The following CHRM3 variants were observed in gnomAD, a reference collection of about 807,000 sequenced individuals.
The protein encoded by CHRM3 is cholinergic receptor muscarinic 3, also known as muscarinic acetylcholine receptor M3.
CHRM3 carries 11 observed loss-of-function variants against 41.8 expected under a neutral mutation model. The observed-to-expected ratio is 0.26, with a 90% CI of 0.17 to 0.44. CHRM3 has a LOEUF of 0.44. Ranked by LOEUF, CHRM3 falls within the 20% of genes least tolerant of loss-of-function variation. The pLI, the probability that CHRM3 is intolerant of heterozygous loss-of-function variation, is 1.00. For synonymous variants in CHRM3, 297 were observed against 301.4 expected (o/e 0.99, Z 0.15); for missense variants, 571 against 745.4 (o/e 0.77, Z 2.72).
intron 1 of CHRM3, among the ~76,000 whole-genome samples, chr1:239,418,265 T>A (rs1282372490): frequency 6.6e-6 from 1 of 152,204 alleles, no homozygotes; most frequent in Non-Finnish European, 1.5e-5. Flanking sequence ...CTCATCTGTG[T>A]TTTTAAGAGC....
At chr1:239,407,417 T>TATATATATATATATATATAG in intron 1 of CHRM3, among the ~76,000 whole-genome samples, 1 of 134,124 alleles carries the variant, frequency 7.5e-6, no homozygotes, top group South Asian at 2.4e-4. Context: ...TATATATATA[T>TATATATATATATATATATAG]AGAGAGAGAG....
rs201823094 is a variant in CHRM3, at chr1:239,910,304, A to AATATATATATAT, written c.*1081_*1092dup. The AATATATATATAT allele has an allele frequency of 1.3e-4, 21 of 159,634 alleles. No homozygotes were observed. Among genetic ancestry groups the AATATATATATAT allele is most frequent in the African/African-American group, 5.3e-4 (21 of 39,560 alleles). 9.9% of individuals were successfully genotyped at this position (159,634 alleles called of 1,614,324 possible). A position where few individuals can be genotyped will look rare whatever the true frequency, so the allele number is the denominator to read the frequency against. On this transcript the variant is annotated 3_prime_UTR_variant, in exon 7 of 7. Transcript: ENST00000676153. Reference sequence around the variant, plus strand: ...GTCACGTTTGAATGTCATACACAGCAATATATATATATGTGTATATATATA... The same window carrying AATATATATATAT: ...GTCACGTTTGAATGTCATACACAGCAATATATATATATATATATATATATGTGTATATATATA...
intron 4 of CHRM3, among the ~76,000 whole-genome samples, chr1:239,670,530 A>C (rs1176331609): frequency 1.3e-5 from 2 of 151,956 alleles, no homozygotes; most frequent in Non-Finnish European, 2.9e-5. Context: ...GTTTTTATGG[A>C]GATAGAGTCT....
chr1:239,859,989 G>A (rs934024094), intron 6 of CHRM3, among the ~76,000 whole-genome samples: 12 of 152,014 alleles, frequency 7.9e-5, no homozygotes, highest in African/African-American at 2.7e-4. Flanking sequence ...CTGAAACCAA[G>A]CCTCCAACAA....
intron 2 of CHRM3, among the ~76,000 whole-genome samples, chr1:239,530,945 G>A (rs1393846380): frequency 6.6e-6 from 1 of 152,102 alleles, no homozygotes; most frequent in African/African-American, 2.4e-5. Flanking sequence ...CCCAATTTTT[G>A]TGAAACATAT....
chr1:239,777,260 C>T (rs952850675), intron 5 of CHRM3, among the ~76,000 whole-genome samples: 10 of 152,164 alleles, frequency 6.6e-5, no homozygotes, highest in African/African-American at 2.4e-4. Flanking sequence ...ACATGATCAT[C>T]TGTGATAGAA....
At chr1:239,835,578 A>G (rs593183) in intron 6 of CHRM3, among the ~76,000 whole-genome samples, 71,596 of 152,074 alleles carry the variant, frequency 0.47, 17,057 homozygotes, top group Admixed American at 0.55. Context: ...TTGGTTTTCG[A>G]CCGTCAAAGC....
rs138225206 is a variant in CHRM3, at chr1:239,737,838, C to T, written c.-147+59550C>T. Reference sequence around the variant, plus strand: ...TATCTGTTAAGATATCTGATTAGATCTCAGAGAGTCAACAACTGAAGCAAG... The same window carrying T: ...TATCTGTTAAGATATCTGATTAGATTTCAGAGAGTCAACAACTGAAGCAAG... On this transcript the variant is annotated intron_variant, in intron 5 of 6. Transcript: ENST00000676153. Among the ~76,000 whole-genome samples, 273 of 152,244 alleles carry T rather than the reference C, an allele frequency of 1.8e-3. 4 individuals carry two copies. The highest frequency in any genetic ancestry group is 1.0e-2 in the South Asian group (48 of 4,822).
chr1:239,773,175 C>G (rs545754407), intron 5 of CHRM3, among the ~76,000 whole-genome samples: 1 of 152,252 alleles, frequency 6.6e-6, no homozygotes, highest in Non-Finnish European at 1.5e-5. Flanking sequence ...CACTAATGAT[C>G]TGTAAGAGGG....
At chr1:239,573,675 C>T (rs1291926324) in intron 3 of CHRM3, among the ~76,000 whole-genome samples, 1 of 151,874 alleles carries the variant, frequency 6.6e-6, no homozygotes, top group African/African-American at 2.4e-5. Context: ...GGTACTCCAG[C>T]CAAGATCTTT....
chr1:239,531,184 A>C (rs1320766437), intron 2 of CHRM3, among the ~76,000 whole-genome samples: 1 of 152,202 alleles, frequency 6.6e-6, no homozygotes. Flanking sequence ...TAATAATAAC[A>C]ATAATGATAA....
intron 5 of CHRM3, among the ~76,000 whole-genome samples, chr1:239,726,164 A>G (rs1375890574): frequency 6.6e-6 from 1 of 151,914 alleles, no homozygotes; most frequent in Non-Finnish European, 1.5e-5. Flanking sequence ...TTTTCTGAAA[A>G]GCGTATTGAC....
chr1:239,560,836 C>T (rs1016355601), intron 3 of CHRM3, among the ~76,000 whole-genome samples: 3 of 152,074 alleles, frequency 2.0e-5, no homozygotes, highest in African/African-American at 7.2e-5. Context: ...ACAAGTGGCT[C>T]TAAATTAACA....
At position 239,767,940 on chromosome 1, in the gene CHRM3, A is replaced by C. The variant is rs537202152; in HGVS notation, c.-146-59312A>C. Among the ~76,000 whole-genome samples, 562 of 152,206 alleles carry C rather than the reference A, an allele frequency of 3.7e-3. 2 individuals are homozygous for C. Among genetic ancestry groups the C allele is most frequent in the Non-Finnish European group, 6.1e-3 (413 of 68,012 alleles). On this transcript the variant is annotated intron_variant, in intron 5 of 6. Transcript: ENST00000676153. Reference sequence around the variant, plus strand: ...GCTGGAGTGGGACGTGAGAGCCTGCATTTATAACAAGCCCCGGGTGATTTC... The same window carrying C: ...GCTGGAGTGGGACGTGAGAGCCTGCCTTTATAACAAGCCCCGGGTGATTTC...
At chr1:239,901,934 T>A (rs1429324872) in intron 6 of CHRM3, among the ~76,000 whole-genome samples, 1 of 152,180 alleles carries the variant, frequency 6.6e-6, no homozygotes, top group African/African-American at 2.4e-5. Flanking sequence ...TACTTCCAAA[T>A]CACCTTTTTG....
At chr1:239,844,044 A>G (rs990339122) in intron 6 of CHRM3, among the ~76,000 whole-genome samples, 1 of 152,210 alleles carries the variant, frequency 6.6e-6, no homozygotes, top group Non-Finnish European at 1.5e-5. Context: ...GCTGATTAGC[A>G]TATGCATTAC....
intron 5 of CHRM3, among the ~76,000 whole-genome samples, chr1:239,787,159 A>C (rs182934385): frequency 3.3e-5 from 5 of 152,320 alleles, no homozygotes; most frequent in African/African-American, 1.2e-4. Context: ...CAGGAAGGCC[A>C]AGTTGGAAAG....
At chr1:239,722,060 TG>T (rs1332441097) in intron 5 of CHRM3, among the ~76,000 whole-genome samples, 1 of 151,934 alleles carries the variant, frequency 6.6e-6, no homozygotes, top group Non-Finnish European at 1.5e-5. Flanking sequence ...TTTTGGTTCA[TG>T]GGACAGGCAT....
chr1:239,765,962 G>A (rs1038186725), intron 5 of CHRM3, among the ~76,000 whole-genome samples: 2 of 151,812 alleles, frequency 1.3e-5, no homozygotes, highest in Non-Finnish European at 2.9e-5. Context: ...GATTACAGGT[G>A]CACACCACCA....
Sources: allele counts gnomAD v4.1 joint callset (sites outside exome capture counted in the v4.1 genomes callset), GRCh38; gene constraint gnomAD v4.1.1; transcripts MANE v1.5; gene names NCBI Gene and HGNC (gene_info 2026-07-23, HGNC 2026-07-21).